Variants in PRCD observed in about 807,000 individuals in gnomAD.
The protein encoded by PRCD is photoreceptor disc component.
Under a neutral mutation model 10.1 loss-of-function variants are expected in PRCD, and 12 were observed. The ratio of observed to expected loss-of-function variants is 1.18; its 90% CI spans 0.76 to 1.92. The LOEUF (loss-of-function observed/expected upper bound fraction) is 1.92. PRCD is among the 40% of genes most tolerant of loss of function. The pLI is 0.00. For synonymous variants in PRCD, 31 were observed against 26.2 expected (o/e 1.18, Z -0.56); for missense variants, 61 against 72.2 (o/e 0.84, Z 0.56).
At chr17:76,534,973 C>CT (rs1327597614) in intron 1 of PRCD, among the ~76,000 whole-genome samples, 1 of 152,252 alleles carries the variant, frequency 6.6e-6, no homozygotes, top group Non-Finnish European at 1.5e-5. Context: ...ACAGCCAGCC[C>CT]TGGGGAGTTT....
In PRCD at chr17:76,540,480, TCCTC is replaced by T. The variant is rs1385397714; in HGVS notation, c.75-21_75-18del. ...AGGGGCTGGGCACAGCCATAGCTCT[TCCTC>T]CCTACTCTTGCCTCCCACAGAGAGC... On this transcript the variant is annotated intron_variant, in intron 1 of 4. Transcript: ENST00000592014. This position sits in a 1 kb window ranked among gnomAD's most constrained non-coding sequence, Gnocchi z 5.0. The T allele has an allele frequency of 1.9e-6, 3 of 1,612,456 alleles. No individual in the cohort carries two copies. In the East Asian group the frequency reaches 6.7e-5, roughly 36 times the overall value.
In PRCD at chr17:76,530,950, G is replaced by A; in HGVS notation, n.45+3117G>A. 6.5e-7 allele frequency: 1 copy of A among 1,541,262 alleles called. No homozygotes were observed. The highest frequency in any genetic ancestry group is 8.8e-7 in the Non-Finnish European group (1 of 1,140,270). On this transcript the variant is annotated intron_variant and non_coding_transcript_variant, in intron 1 of 4. Transcript: ENST00000397633. This position sits in a 1 kb window ranked among gnomAD's most constrained non-coding sequence, Gnocchi z 6.1. ...CAGCAGAGGACATGGCGGGGAGGCTGCCCAGCCCACCCTCGCCCGCCTCCT... is the reference window on the plus strand; with the variant it reads ...CAGCAGAGGACATGGCGGGGAGGCTACCCAGCCCACCCTCGCCCGCCTCCT...
downstream of PRCD, among the ~76,000 whole-genome samples, chr17:76,547,676 G>A (rs1277284309): frequency 6.9e-6 from 1 of 144,778 alleles, no homozygotes; most frequent in Non-Finnish European, 1.5e-5. Flanking sequence ...TTCACACACA[G>A]AGACACCCAC....
upstream of PRCD, chr17:76,540,026 C>T: frequency 9.0e-7 from 1 of 1,108,152 alleles, no homozygotes; most frequent in Non-Finnish European, 1.3e-6. This position sits in a 1 kb window ranked among gnomAD's most constrained non-coding sequence, Gnocchi z 5.0. Flanking sequence ...AATCCATCCC[C>T]AGCAGGAACC....
Position 76,531,159 on chromosome 17 carries a change from G to A in PRCD, n.45+3326G>A. The A allele has an allele frequency of 6.2e-7, 1 of 1,608,134 alleles. No homozygotes were observed. The highest frequency in any genetic ancestry group is 8.5e-7 in the Non-Finnish European group (1 of 1,176,012). ...AGAGAGGATCTGGGGGCAAAGGGAGGAAGGGGGAGTGAACGCCCGGGCGCC... is the reference window on the plus strand; with the variant it reads ...AGAGAGGATCTGGGGGCAAAGGGAGAAAGGGGGAGTGAACGCCCGGGCGCC... On this transcript the variant is annotated intron_variant and non_coding_transcript_variant, in intron 1 of 4. Transcript: ENST00000397633. This position sits in a 1 kb window ranked among gnomAD's most constrained non-coding sequence, Gnocchi z 7.4.
In PRCD at chr17:76,531,705, C is replaced by A; in HGVS notation, n.45+3872C>A. The A allele has an allele frequency of 6.4e-7, 1 of 1,573,174 alleles. No homozygotes were observed. The highest frequency in any genetic ancestry group is 8.7e-7 in the Non-Finnish European group (1 of 1,151,564). On this transcript the variant is annotated intron_variant and non_coding_transcript_variant, in intron 1 of 4. Coordinates refer to the PRCD transcript ENST00000397633. The surrounding 1 kb of genome is among the most constrained non-coding windows in gnomAD (Gnocchi z 7.4). ...TTCACAAAGAACCTGGCAAGAGGAA[C>A]AGGGGTGGTCGCTGAAGCTGGAGGC...
At position 76,544,194 on chromosome 17, in the gene PRCD, C is replaced by A. The variant is rs1451862673; in HGVS notation, c.*544C>A. The A allele has an allele frequency of 2.2e-6, 1 of 454,538 alleles. No homozygotes were observed. Among genetic ancestry groups the A allele is most frequent in the South Asian group, 1.6e-5 (1 of 64,478 alleles). The allele number at this position is 454,538 out of a possible 1,614,324, so 28.2% of individuals were successfully genotyped here. A position where few individuals can be genotyped will look rare whatever the true frequency, so the allele number is the denominator to read the frequency against. On this transcript the variant is annotated 3_prime_UTR_variant, in exon 5 of 5. Transcript: ENST00000592014. ...CTCACAGCTATTAGTCTTCAAAAAC[C>A]CCCCGTGCCTCTGTGCACACGCGTC...
At chr17:76,529,938 CG>C in intron 1 of PRCD, 3 of 985,268 alleles carry the variant, frequency 3.0e-6, no homozygotes, top group Non-Finnish European at 3.6e-6. Flanking sequence ...GGAGCCAGCC[CG>C]GGGCCAGTGT....
chr17:76,546,697 G>C (rs532738746), downstream of PRCD: 1 of 152,200 alleles, frequency 6.6e-6, no homozygotes, highest in African/African-American at 2.4e-5. This position sits in a 1 kb window ranked among gnomAD's most constrained non-coding sequence, Gnocchi z 4.5. Context: ...GAACAGTTTG[G>C]TTCGCACGGA....
chr17:76,538,566 A>G (rs1335672748), upstream of PRCD: 2 of 464,214 alleles, frequency 4.3e-6, no homozygotes, highest in African/African-American at 2.0e-5. Flanking sequence ...AAGTCCAGAG[A>G]GGCACCGGAT....
In PRCD at chr17:76,544,086, T is replaced by C; in HGVS notation, c.*436T>C. ...CCATTTCTCTCTTTTCAATCCTGCA[T>C]GATCCTGAGCAGAGATAAAAGCAGA... On this transcript the variant is annotated 3_prime_UTR_variant, in exon 5 of 5. Transcript: ENST00000592014. 1 of 454,656 alleles carries C rather than the reference T, an allele frequency of 2.2e-6. No homozygotes were observed. Among genetic ancestry groups the C allele is most frequent in the South Asian group, 1.6e-5 (1 of 64,490 alleles). 28.2% of individuals were successfully genotyped at this position (454,656 alleles called of 1,614,324 possible).
chr17:76,531,393 G>A lies in PRCD; in HGVS notation n.45+3560G>A. On this transcript the variant is annotated intron_variant and non_coding_transcript_variant, in intron 1 of 4. Transcript: ENST00000397633. The surrounding 1 kb of genome is among the most constrained non-coding windows in gnomAD (Gnocchi z 7.4). ...TGTTGCTCCAGAGAGCCGTCGCAGA[G>A]CCTGCGAGCTGCAGATGGCCATGAC... The A allele has an allele frequency of 6.5e-7, 1 of 1,545,276 alleles. No individual in the cohort carries two copies. The highest frequency in any genetic ancestry group is 1.2e-5 in the South Asian group (1 of 84,924).
intron 3 of PRCD, 40 bp downstream of exon 3, chr17:76,542,673 G>A: frequency 7.4e-7 from 1 of 1,344,968 alleles, no homozygotes; most frequent in Non-Finnish European, 1.1e-6. Context: ...AGAGGGCAAG[G>A]CTTGGGACAG....
upstream of PRCD, chr17:76,537,863 A>C (rs2143126231): frequency 6.6e-6 from 1 of 151,312 alleles, no homozygotes; most frequent in East Asian, 2.0e-4. Context: ...GGCAAGGTGA[A>C]GGCTGCGCGG....
chr17:76,541,275 G>T (rs1031901119), intron 2 of PRCD, among the ~76,000 whole-genome samples: 12 of 152,210 alleles, frequency 7.9e-5, no homozygotes. Context: ...GGTTCCTTCT[G>T]TGCCTATGGA....
chr17:76,544,354 G>A lies in PRCD; in HGVS notation c.*704G>A, dbSNP rs2075029200. ...CTTCAGCCGCCACTCTGCCTCTGAA[G>A]GGAAGGAAGGGAAAGGGTGAGGGAT... On this transcript the variant is annotated 3_prime_UTR_variant, in exon 5 of 5. Coordinates refer to ENST00000592014, the MANE Select transcript of PRCD (RefSeq NM_001077620.3). 6.6e-6 allele frequency: 3 copies of A among 454,626 alleles called. No individual in the cohort carries two copies. Among genetic ancestry groups the A allele is most frequent in the Non-Finnish European group, 1.3e-5 (3 of 226,906 alleles). The allele number at this position is 454,626 out of a possible 1,614,324, so 28.2% of individuals were successfully genotyped here. A position where few individuals can be genotyped will look rare whatever the true frequency, so the allele number is the denominator to read the frequency against.
At position 76,542,513 on chromosome 17, in the gene PRCD, G is replaced by A. The variant is rs191841395; in HGVS notation, c.144-40G>A. 3.3e-5 allele frequency: 54 copies of A among 1,612,154 alleles called. No homozygotes were observed. In the South Asian group the frequency reaches 3.4e-4, roughly 10 times the overall value. ...GGAGAGTCAGAAACATGGGAAGGTC[G>A]TGCCCTTCAATCCTGACCCCAGTGC... On this transcript the variant is annotated intron_variant, in intron 2 of 4. Transcript: ENST00000592014.
intron 1 of PRCD, among the ~76,000 whole-genome samples, chr17:76,552,544 T>C (rs922880474): frequency 7.2e-5 from 11 of 152,014 alleles, no homozygotes; most frequent in Admixed American, 2.0e-4. Context: ...ATGCCATTGC[T>C]TGTAAGACAC....
At chr17:76,527,605 G>T (rs1444516837), upstream of PRCD, 2 of 453,124 alleles carry the variant, frequency 4.4e-6, no homozygotes, top group South Asian at 1.6e-5. Context: ...GCCGACTGCC[G>T]GCCAGGAGGA....
Sources: gnomAD v4.1 joint callset for allele counts (sites outside exome capture counted in the v4.1 genomes callset) on GRCh38, gnomAD v4.1.1 for gene constraint, Gnocchi (gnomAD v3.1) non-coding constraint, MANE v1.5 for transcripts, NCBI Gene and HGNC (gene_info 2026-07-23, HGNC 2026-07-21) for gene names.